The following ERC2 variants were observed in gnomAD, a reference collection of about 807,000 sequenced individuals.
The protein encoded by ERC2 is ELKS/RAB6-interacting/CAST family member 2.
ERC2 carries 42 observed loss-of-function variants against 114.8 expected under a neutral mutation model. That is an observed-to-expected ratio of 0.37 (90% CI 0.29 to 0.47). ERC2 has a LOEUF of 0.47. ERC2 is among the 20% of genes least tolerant of loss of function. The pLI is 0.99. For synonymous variants in ERC2, 454 were observed against 425.5 expected (o/e 1.07, Z -0.82); for missense variants, 939 against 1,150.7 (o/e 0.82, Z 2.66).
chr3:56,208,448 CT>C (rs769321088), intron 3 of ERC2, among the ~76,000 whole-genome samples: 6 of 152,182 alleles, frequency 3.9e-5, no homozygotes, highest in Non-Finnish European at 8.8e-5. Flanking sequence ...TTTAGGATAC[CT>C]GCTTGTTTTA....
At chr3:56,436,279 T>C (rs981546876) in intron 1 of ERC2, among the ~76,000 whole-genome samples, 16 of 152,192 alleles carry the variant, frequency 1.1e-4, no homozygotes, top group Admixed American at 3.3e-4. Flanking sequence ...CACTCTGCAA[T>C]CAACAAAATG....
At chr3:55,839,578 A>G (rs531920306) in intron 14 of ERC2, among the ~76,000 whole-genome samples, 4 of 152,070 alleles carry the variant, frequency 2.6e-5, no homozygotes, top group Admixed American at 6.5e-5. Context: ...TGGAAATATA[A>G]TAAGATTCTT....
intron 13 of ERC2, among the ~76,000 whole-genome samples, chr3:55,903,702 T>C (rs1440440693): frequency 6.6e-6 from 1 of 152,240 alleles, no homozygotes; most frequent in Non-Finnish European, 1.5e-5. Flanking sequence ...TAGTTCCTTT[T>C]GGACTAAAAA....
intron 17 of ERC2, among the ~76,000 whole-genome samples, chr3:55,569,488 G>A (rs1217220001): frequency 5.9e-5 from 9 of 152,206 alleles, no homozygotes; most frequent in East Asian, 1.9e-4. Context: ...AGAGCCAGAC[G>A]TGTGGAAATA....
Position 55,845,678 on chromosome 3 carries a change from A to AT in ERC2, c.2564+42710dup, listed in dbSNP as rs965980680. Among the ~76,000 whole-genome samples, 100 of 152,302 alleles carry AT rather than the reference A, an allele frequency of 6.6e-4. 1 individual carries two copies. The highest frequency in any genetic ancestry group is 8.8e-5 in the Non-Finnish European group (6 of 68,034). ...TTGCCATTTGAATTACTTAGAATCCATTTTTTGCAATGAGTCTGAATCTAT... is the reference window on the plus strand; with the variant it reads ...TTGCCATTTGAATTACTTAGAATCCATTTTTTTGCAATGAGTCTGAATCTAT... On this transcript the variant is annotated intron_variant, in intron 14 of 17. Transcript: ENST00000288221.
intron 14 of ERC2, among the ~76,000 whole-genome samples, chr3:55,884,943 G>T (rs1576016844): frequency 1.3e-5 from 2 of 152,042 alleles, no homozygotes; most frequent in Non-Finnish European, 2.9e-5. Flanking sequence ...AGCAGGGCAG[G>T]TATTATCACC....
intron 6 of ERC2, among the ~76,000 whole-genome samples, chr3:56,135,705 C>T (rs938054375): frequency 6.6e-6 from 1 of 152,206 alleles, no homozygotes. Flanking sequence ...TATAACCACA[C>T]ATCTCCCACT....
intron 14 of ERC2, among the ~76,000 whole-genome samples, chr3:55,858,208 T>C (rs2061873009): frequency 6.6e-6 from 1 of 152,232 alleles, no homozygotes; most frequent in Admixed American, 6.5e-5. Flanking sequence ...TTTATTAGTT[T>C]GAACTAATAT....
intron 3 of ERC2, among the ~76,000 whole-genome samples, chr3:56,214,517 T>C (rs1176269409): frequency 2.6e-5 from 4 of 152,000 alleles, no homozygotes; most frequent in African/African-American, 9.7e-5. Context: ...CTACATCTGA[T>C]TGGTGTACCT....
intron 14 of ERC2, among the ~76,000 whole-genome samples, chr3:55,863,090 T>C (rs902200559): frequency 2.0e-5 from 3 of 152,212 alleles, no homozygotes; most frequent in African/African-American, 7.2e-5. Flanking sequence ...TAGCTGGGAT[T>C]AGGGGAGCAA....
chr3:55,807,739 CTCCT>C (rs2059546384), intron 14 of ERC2, among the ~76,000 whole-genome samples: 2 of 152,188 alleles, frequency 1.3e-5, no homozygotes, highest in Non-Finnish European at 2.9e-5. Context: ...TCAACCTAGA[CTCCT>C]TCCTTTGGAA....
At chr3:56,129,836 A>T (rs1679500984) in intron 6 of ERC2, among the ~76,000 whole-genome samples, 1 of 152,206 alleles carries the variant, frequency 6.6e-6, no homozygotes, top group Non-Finnish European at 1.5e-5. Context: ...ATGGACACAG[A>T]TTATGAACAG....
intron 14 of ERC2, among the ~76,000 whole-genome samples, chr3:55,757,581 A>T (rs2067140957): frequency 1.3e-5 from 2 of 152,178 alleles, no homozygotes; most frequent in Non-Finnish European, 2.9e-5. Flanking sequence ...CTACTAAATA[A>T]TTCTAATAAT....
At chr3:55,660,588 C>T (rs1313398658) in intron 17 of ERC2, among the ~76,000 whole-genome samples, 1 of 152,174 alleles carries the variant, frequency 6.6e-6, no homozygotes, top group East Asian at 1.9e-4. Context: ...GGTTAAAGGG[C>T]TTTATGTGAT....
At chr3:55,957,142 G>A (rs1046718768) in intron 12 of ERC2, among the ~76,000 whole-genome samples, 5 of 152,170 alleles carry the variant, frequency 3.3e-5, no homozygotes, top group African/African-American at 9.7e-5. Context: ...GAACGTCCTG[G>A]AGGGAAAGAC....
intron 17 of ERC2, among the ~76,000 whole-genome samples, chr3:55,587,465 C>T (rs73079430): frequency 0.18 from 26,791 of 152,198 alleles, 2,604 homozygotes; most frequent in Non-Finnish European, 0.23. Flanking sequence ...CATACCAGAA[C>T]GTCTATCAAT....
intron 14 of ERC2, among the ~76,000 whole-genome samples, chr3:55,859,643 A>C (rs1190143524): frequency 1.3e-5 from 2 of 151,924 alleles, no homozygotes; most frequent in Non-Finnish European, 2.9e-5. Flanking sequence ...CAAGAAGGTC[A>C]CCAAAGGTAT....
At chr3:55,589,610 C>T (rs1437983131) in intron 17 of ERC2, among the ~76,000 whole-genome samples, 2 of 152,136 alleles carry the variant, frequency 1.3e-5, no homozygotes, top group Non-Finnish European at 1.5e-5. Flanking sequence ...TGGGGTGGCA[C>T]TGGATTCCTG....
chr3:56,301,246 T>C (rs910085964), intron 2 of ERC2, among the ~76,000 whole-genome samples: 2 of 152,268 alleles, frequency 1.3e-5, no homozygotes, highest in Non-Finnish European at 2.9e-5. Flanking sequence ...AGCAATCTCA[T>C]AATCACCATA....
Sources: allele counts gnomAD v4.1 joint callset (sites outside exome capture counted in the v4.1 genomes callset), GRCh38; gene constraint gnomAD v4.1.1; transcripts MANE v1.5; gene names NCBI Gene and HGNC (gene_info 2026-07-23, HGNC 2026-07-21).